Variants in ZMIZ1 observed in about 807,000 individuals in gnomAD.
The protein encoded by ZMIZ1 is zinc finger MIZ domain-containing protein 1.
In ZMIZ1, 17 loss-of-function variants were observed where a neutral mutation model predicts 113.9. The ratio of observed to expected loss-of-function variants is 0.15; its 90% CI spans 0.10 to 0.22. ZMIZ1 has a LOEUF of 0.22. Ranked by LOEUF, ZMIZ1 falls within the 10% of genes least tolerant of loss-of-function variation. The probability of loss-of-function intolerance (pLI) is 1.00; values close to 1 mark genes in which losing one functional copy is unlikely to be tolerated. For synonymous variants in ZMIZ1, 607 were observed against 603.1 expected (o/e 1.01, Z -0.09); for missense variants, 1,059 against 1,477.8 (o/e 0.72, Z 4.65).
chr10:79,218,581 A>AGG (rs904903478), intron 7 of ZMIZ1, among the ~76,000 whole-genome samples: 3 of 93,306 alleles, frequency 3.2e-5, no homozygotes, highest in African/African-American at 9.3e-5. Flanking sequence ...AAATAATTAG[A>AGG]GGGGTGTGTG....
intron 1 of ZMIZ1, among the ~76,000 whole-genome samples, chr10:79,081,111 G>T (rs1466337489): frequency 2.0e-5 from 3 of 152,160 alleles, no homozygotes; most frequent in Non-Finnish European, 4.4e-5. Flanking sequence ...CCTCTGTCTA[G>T]AAAGTTCCAC....
chr10:79,301,028 G>A, intron 17 of ZMIZ1, 86 bp downstream of exon 17: 8 of 1,540,160 alleles, frequency 5.2e-6, no homozygotes, highest in Non-Finnish European at 7.0e-6. Flanking sequence ...CCCCACTCTG[G>A]TCCTCAGCCT....
At chr10:79,204,466 A>G (rs1180429897) in intron 5 of ZMIZ1, among the ~76,000 whole-genome samples, 2 of 152,176 alleles carry the variant, frequency 1.3e-5, no homozygotes, top group Admixed American at 6.5e-5. Flanking sequence ...CCTGAACCCC[A>G]GGGGCCCTTC....
intron 5 of ZMIZ1, among the ~76,000 whole-genome samples, chr10:79,207,318 T>A (rs1848355307): frequency 6.6e-6 from 1 of 152,072 alleles, no homozygotes; most frequent in South Asian, 2.1e-4. Context: ...CCTCCAGGGG[T>A]CCTTCAGGAG....
intron 3 of ZMIZ1, among the ~76,000 whole-genome samples, chr10:79,160,114 A>G (rs1467887893): frequency 6.6e-6 from 1 of 151,574 alleles, no homozygotes; most frequent in Non-Finnish European, 1.5e-5. Context: ...CAGGAGGCCG[A>G]CTCCAGTTCT....
chr10:79,100,032 A>G (rs1843305681), intron 1 of ZMIZ1, among the ~76,000 whole-genome samples: 2 of 151,928 alleles, frequency 1.3e-5, no homozygotes, highest in Admixed American at 1.3e-4. Flanking sequence ...TGGACCACAC[A>G]CCCTGATGCT....
chr10:79,089,127 T>C (rs531410900), intron 1 of ZMIZ1, among the ~76,000 whole-genome samples: 4 of 152,330 alleles, frequency 2.6e-5, no homozygotes, highest in East Asian at 1.9e-4. Context: ...GCTGAGCAGG[T>C]ACCTGGGCTG....
chr10:79,155,036 A>G (rs539519708), intron 3 of ZMIZ1, among the ~76,000 whole-genome samples: 1 of 152,268 alleles, frequency 6.6e-6, no homozygotes, highest in Admixed American at 6.5e-5. Flanking sequence ...CATTTTACAG[A>G]TGAGGAAACT....
At chr10:79,189,690 A>G (rs768425504) in intron 4 of ZMIZ1, among the ~76,000 whole-genome samples, 1 of 152,258 alleles carries the variant, frequency 6.6e-6, no homozygotes, top group Non-Finnish European at 1.5e-5. Context: ...TCGTGAGGTT[A>G]TAACACCAAA....
At chr10:79,288,617 C>T (rs1019658032) in intron 8 of ZMIZ1, among the ~76,000 whole-genome samples, 6 of 152,214 alleles carry the variant, frequency 3.9e-5, no homozygotes, top group African/African-American at 1.2e-4. Flanking sequence ...CCTGGTTCCA[C>T]ATCTAGAATT....
chr10:79,188,415 A>T (rs1032758664), intron 4 of ZMIZ1, among the ~76,000 whole-genome samples: 2 of 151,860 alleles, frequency 1.3e-5, no homozygotes, highest in Non-Finnish European at 2.9e-5. Context: ...TTGCTGGGGG[A>T]GGGAGCCCAG....
intron 6 of ZMIZ1, among the ~76,000 whole-genome samples, chr10:79,210,506 GT>G (rs1848488519): frequency 6.6e-6 from 1 of 152,246 alleles, no homozygotes; most frequent in African/African-American, 2.4e-5. Context: ...AGGGGCAAGG[GT>G]ACAGGGCAGG....
intron 7 of ZMIZ1, chr10:79,216,510 C>T: frequency 2.7e-6 from 1 of 372,884 alleles, no homozygotes; most frequent in East Asian, 4.5e-5. Context: ...CAGAGAGGCT[C>T]CCGAGGCACA....
chr10:79,159,928 CT>C (rs535066258), intron 3 of ZMIZ1, among the ~76,000 whole-genome samples: 93 of 152,332 alleles, frequency 6.1e-4, no homozygotes, highest in African/African-American at 2.1e-3. Flanking sequence ...CCGAGCACCC[CT>C]GAGACGCTGA....
chr10:79,248,158 C>T (rs910249384), intron 7 of ZMIZ1, among the ~76,000 whole-genome samples: 1 of 152,088 alleles, frequency 6.6e-6, no homozygotes, highest in Non-Finnish European at 1.5e-5. Flanking sequence ...GAACAGAGGC[C>T]TATGCTCTAC....
chr10:79,197,601 C>G (rs917077571), intron 4 of ZMIZ1, among the ~76,000 whole-genome samples: 3 of 138,798 alleles, frequency 2.2e-5, no homozygotes, highest in African/African-American at 8.7e-5. Flanking sequence ...ACCATACACA[C>G]ACACACACAT....
At chr10:79,187,091 T>C (rs1847380330) in intron 4 of ZMIZ1, among the ~76,000 whole-genome samples, 1 of 152,244 alleles carries the variant, frequency 6.6e-6, no homozygotes, top group Non-Finnish European at 1.5e-5. Context: ...GATTTTAGGC[T>C]TCTGGAAATC....
At chr10:79,257,959 T>G (rs1412797819) in intron 7 of ZMIZ1, among the ~76,000 whole-genome samples, 1 of 152,244 alleles carries the variant, frequency 6.6e-6, no homozygotes, top group African/African-American at 2.4e-5. Context: ...GGCTTTGTCC[T>G]GGGCATTTTA....
At chr10:79,229,593 A>C (rs763090677) in intron 7 of ZMIZ1, among the ~76,000 whole-genome samples, 1 of 152,232 alleles carries the variant, frequency 6.6e-6, no homozygotes, top group Non-Finnish European at 1.5e-5. Context: ...AAACAGGCAC[A>C]TAATTATAAT....
Sources: allele counts gnomAD v4.1 joint callset (sites outside exome capture counted in the v4.1 genomes callset), GRCh38; gene constraint gnomAD v4.1.1; transcripts MANE v1.5; gene names NCBI Gene and HGNC (gene_info 2026-07-23, HGNC 2026-07-21).